Variants in REV3L observed in about 807,000 individuals in gnomAD.
The protein encoded by REV3L is DNA polymerase zeta catalytic subunit.
REV3L carries 69 observed loss-of-function variants against 299.4 expected under a neutral mutation model. The observed-to-expected ratio is 0.23, with a 90% CI of 0.19 to 0.28. The LOEUF is 0.28. Among genes scored for constraint, REV3L ranks in the 10% least tolerant of loss-of-function variants. REV3L has a pLI of 1.00. For missense variants in REV3L, 3,128 were observed against 3,693.8 expected (o/e 0.85, Z 3.97); for synonymous variants, 1,238 against 1,271.4 (o/e 0.97, Z 0.56).
intron 1 of REV3L, chr6:111,472,074 A>T: frequency 8.0e-7 from 1 of 1,245,486 alleles, no homozygotes. Flanking sequence ...CCATAGTTTT[A>T]AAACAAATAA....
At chr6:111,344,323 CAT>C (rs1346927008) in intron 20 of REV3L, among the ~76,000 whole-genome samples, 1 of 151,632 alleles carries the variant, frequency 6.6e-6, no homozygotes, top group Non-Finnish European at 1.5e-5. Context: ...TAGTTCTTAC[CAT>C]TTTTATACTC....
At position 111,434,860 on chromosome 6, in the gene REV3L, G is replaced by GA. The variant is rs565890286; in HGVS notation, c.140-18389dup. Among the ~76,000 whole-genome samples, 32 of 152,202 alleles carry GA rather than the reference G, an allele frequency of 2.1e-4. No homozygotes were observed. The East Asian group carries it at 6.2e-3, about 29-fold the overall frequency. On this transcript the variant is annotated intron_variant, in intron 1 of 31. Coordinates refer to ENST00000368802, the MANE Select transcript of REV3L (RefSeq NM_001372078.1). The stretch of plus-strand genomic sequence containing the variant: ...GATGAAAGAAATTAAAGAGGACACA[G>GA]AAAAATGAAAAGATACTCCATGCTC...
intron 1 of REV3L, among the ~76,000 whole-genome samples, chr6:111,450,478 C>CAAAAAAAAAAAAAAA (rs869119350): frequency 1.8e-5 from 1 of 54,114 alleles, no homozygotes; most frequent in African/African-American, 1.1e-4. Context: ...GACCCTGTCT[C>CAAAAAAAAAAAAAAA]AAAAAAAAAA....
chr6:111,393,041 AAT>A, intron 4 of REV3L, 69 bp from the exon 5 acceptor site: 1 of 1,201,912 alleles, frequency 8.3e-7, no homozygotes. Flanking sequence ...TTAGAAGGTA[AAT>A]TTTTTTTTTT....
At chr6:111,326,629 A>G (rs1582526578) in intron 25 of REV3L, among the ~76,000 whole-genome samples, 1 of 152,044 alleles carries the variant, frequency 6.6e-6, no homozygotes, top group East Asian at 1.9e-4. Flanking sequence ...AAAAAATGGA[A>G]ATCGGTACAT....
In REV3L at chr6:111,356,994, TCAGATATACAAAA is replaced by T; in HGVS notation, c.7184+7_7184+19del. On this transcript the variant is annotated splice_region_variant and intron_variant, in intron 18 of 31. Transcript: ENST00000368802. ...GACTCTCTGAATAAAACTGGAAAAA[TCAGATATACAAAA>T]CAATACCTCTTTATTATATTTGCAA... is the stretch of plus-strand genomic sequence containing the variant. 3.0e-6 allele frequency: 4 copies of T among 1,322,020 alleles called. No homozygotes were observed. Among genetic ancestry groups the T allele is most frequent in the Non-Finnish European group, 4.2e-6 (4 of 946,668 alleles). 81.9% of individuals were successfully genotyped at this position (1,322,020 alleles called of 1,614,324 possible). A position where few individuals can be genotyped will look rare whatever the true frequency, so the allele number is the denominator to read the frequency against.
chr6:111,396,455 T>C (rs1222432094), intron 4 of REV3L, among the ~76,000 whole-genome samples: 1 of 152,126 alleles, frequency 6.6e-6, no homozygotes, highest in East Asian at 1.9e-4. Flanking sequence ...TAGTTTTCTT[T>C]TTTTGTTGTG....
Position 111,427,488 on chromosome 6 carries a change from C to T in REV3L, c.140-11016G>A, listed in dbSNP as rs1048058070. On this transcript the variant is annotated intron_variant, in intron 1 of 31. Coordinates refer to ENST00000368802, the MANE Select transcript of REV3L (RefSeq NM_001372078.1). ...TCACTGCCACAGGAAACCAAAACCA[C>T]AAATACAGTGCTGACACGATCATGA... Among the ~76,000 whole-genome samples the T allele has an allele frequency of 3.3e-5, 5 of 152,142 alleles. No homozygotes were observed. In the East Asian group the frequency reaches 7.7e-4, roughly 23 times the overall value.
Position 111,367,313 on chromosome 6 carries a change from T to C in REV3L, c.6475A>G (p.Asn2159Asp). Residue 2159 changes from asparagine to aspartate, a missense_variant, in exon 14 of 32, where the codon AAC becomes GAC. By Grantham distance (23) the Asn-to-Asp change is conservative. This residue lies in a region of REV3L where 2,409 missense variants were observed against 2,611.8 expected (regional missense o/e 0.92). Transcript: ENST00000368802. The stretch of plus-strand genomic sequence containing the variant: ...CCATCTTTTATTGGCTTTAAGAAGT[T>C]CTCAAAAGCCAATGAAGGCAGCTCC... ...VEELPSLAFE[N>D]FLKPIKDGIQ... is the part of the protein sequence containing the mutation. The C allele has an allele frequency of 6.2e-7, 1 of 1,608,752 alleles. No individual in the cohort carries two copies. The highest frequency in any genetic ancestry group is 8.5e-7 in the Non-Finnish European group (1 of 1,178,362).
At chr6:111,380,555 G>A (rs959514143) in intron 10 of REV3L, among the ~76,000 whole-genome samples, 5 of 152,224 alleles carry the variant, frequency 3.3e-5, no homozygotes, top group East Asian at 1.9e-4. Context: ...CACCACGCCC[G>A]GCCTGTTTTC....
At chr6:111,423,574 G>A (rs1785821437) in intron 1 of REV3L, among the ~76,000 whole-genome samples, 1 of 152,136 alleles carries the variant, frequency 6.6e-6, no homozygotes, top group African/African-American at 2.4e-5. Flanking sequence ...GTGTTTTTGT[G>A]TGTGTGCGCA....
rs762653056 is a variant in REV3L at position 111,373,673 on chromosome 6, A to T, written c.4682T>A (p.Ile1561Asn). The T allele has an allele frequency of 1.2e-6, 2 of 1,613,970 alleles. No homozygotes were observed. The highest frequency in any genetic ancestry group is 1.7e-6 in the Non-Finnish European group (2 of 1,179,986). ...LSNKHQPNKN[I>N]SGSLEHNKAN... The stretch of plus-strand genomic sequence containing the variant: ...TTTGTTATGCTCAAGGGAACCAGAA[A>T]TATTTTTATTTGGTTGATGTTTATT... Residue 1561 changes from isoleucine to asparagine, a missense_variant, in exon 13 of 32, where the codon ATT becomes AAT. Ile to Asn is a moderately radical substitution (Grantham distance 149, BLOSUM62 -3). Around this residue, in one of 9 missense-constraint regions of REV3L, gnomAD observed 2,409 missense variants for 2,611.8 expected, o/e 0.92. Transcript: ENST00000368802.
intron 11 of REV3L, among the ~76,000 whole-genome samples, chr6:111,378,088 TC>T: frequency 6.6e-6 from 1 of 152,364 alleles, no homozygotes; most frequent in Admixed American, 6.5e-5. Flanking sequence ...TAATTAGACT[TC>T]ATAATCCCTT....
intron 1 of REV3L, among the ~76,000 whole-genome samples, chr6:111,443,225 T>C (rs1020735211): frequency 6.6e-6 from 1 of 152,040 alleles, no homozygotes; most frequent in Non-Finnish European, 1.5e-5. Flanking sequence ...AGTGGCTCAC[T>C]GCAACCTCCG....
chr6:111,347,270 T>C (rs1266315625), intron 20 of REV3L, among the ~76,000 whole-genome samples: 2 of 140,994 alleles, frequency 1.4e-5, no homozygotes, highest in Admixed American at 1.4e-4. Flanking sequence ...CTCCGTCTCA[T>C]AAATAAATAA....
intron 1 of REV3L, among the ~76,000 whole-genome samples, chr6:111,447,364 T>A (rs1334133629): frequency 1.3e-5 from 2 of 152,174 alleles, no homozygotes; most frequent in Non-Finnish European, 2.9e-5. Context: ...TCTCACTAAC[T>A]AGAAATTAAT....
intron 4 of REV3L, among the ~76,000 whole-genome samples, chr6:111,401,370 A>C (rs1434808099): frequency 1.3e-5 from 2 of 152,214 alleles, no homozygotes; most frequent in Non-Finnish European, 2.9e-5. Context: ...GAAAAAGCCA[A>C]GCCTACTTCA....
chr6:111,443,403 T>A (rs1788501415), intron 1 of REV3L, among the ~76,000 whole-genome samples: 1 of 152,080 alleles, frequency 6.6e-6, no homozygotes, highest in African/African-American at 2.4e-5. Context: ...CGCCCGGCCA[T>A]ATCTAGTAAT....
Position 111,376,533 on chromosome 6 carries a change from T to C in REV3L, c.1822A>G (p.Lys608Glu), listed in dbSNP as rs758792196. ...GAAGTGACTGAGTTATCTAGACCTTTTTCTGTATTTTTGTTTGTCTGTGAA... is the reference window on the plus strand; with the variant it reads ...GAAGTGACTGAGTTATCTAGACCTTCTTCTGTATTTTTGTTTGTCTGTGAA... ...DLSQTNKNTE[K>E]GLDNSVTSFT... Residue 608 changes from lysine to glutamate, a missense_variant, in exon 13 of 32, where the codon AAA (lysine) becomes GAA (glutamate). By Grantham distance (56) the Lys-to-Glu change is moderately conservative (BLOSUM62 1). This residue lies in a region of REV3L where 2,409 missense variants were observed against 2,611.8 expected (regional missense o/e 0.92). Transcript: ENST00000368802. 2 of 1,612,206 alleles carry C rather than the reference T, an allele frequency of 1.2e-6. No homozygotes were observed. The highest frequency in any genetic ancestry group is 1.7e-6 in the Non-Finnish European group (2 of 1,179,560).
Sources: allele counts gnomAD v4.1 joint callset (sites outside exome capture counted in the v4.1 genomes callset), GRCh38; gene constraint gnomAD v4.1.1; regional missense constraint gnomAD v4.1.1; transcripts MANE v1.5; gene names NCBI Gene and HGNC (gene_info 2026-07-23, HGNC 2026-07-21).